Variants in SHANK2 observed in about 807,000 individuals in gnomAD.
SHANK2 encodes SH3 and multiple ankyrin repeat domains protein 2.
Under a neutral mutation model 133.7 loss-of-function variants are expected in SHANK2, and 43 were observed. That is an observed-to-expected ratio of 0.32 (90% confidence interval 0.25 to 0.41). SHANK2 has a LOEUF of 0.41. Ranked by LOEUF, SHANK2 falls within the 10% of genes least tolerant of loss-of-function variation. The pLI, the probability that SHANK2 is intolerant of heterozygous loss-of-function variation, is 1.00. For missense variants in SHANK2, 1,994 were observed against 2,235.8 expected (o/e 0.89, Z 2.18); for synonymous variants, 1,017 against 952.8 (o/e 1.07, Z -1.24).
intron 17 of SHANK2, among the ~76,000 whole-genome samples, chr11:70,652,115 G>A (rs1176887726): frequency 7.9e-5 from 12 of 152,236 alleles, no homozygotes; most frequent in African/African-American, 2.4e-4. Context: ...TCAGGAATAG[G>A]AATTCCAAGG....
intron 21 of SHANK2, among the ~76,000 whole-genome samples, chr11:70,494,792 A>G (rs1426396362): frequency 1.3e-5 from 2 of 152,260 alleles, no homozygotes; most frequent in South Asian, 2.1e-4. Context: ...CTTGCCCCAT[A>G]GTGTCCGGGC....
At chr11:71,102,195 C>T (rs527470117) in intron 6 of SHANK2, among the ~76,000 whole-genome samples, 1 of 152,202 alleles carries the variant, frequency 6.6e-6, no homozygotes, top group South Asian at 2.1e-4. Context: ...CACAACTGGT[C>T]TCATCTCAGA....
intron 2 of SHANK2, among the ~76,000 whole-genome samples, chr11:71,163,243 TAG>T (rs1159995308): frequency 6.8e-6 from 1 of 146,848 alleles, no homozygotes; most frequent in African/African-American, 2.7e-5. Context: ...ATGGTGGGTA[TAG>T]AGTCATTATT....
intron 17 of SHANK2, among the ~76,000 whole-genome samples, chr11:70,628,299 G>GATC (rs2136504061): frequency 6.6e-6 from 1 of 152,268 alleles, no homozygotes; most frequent in East Asian, 1.9e-4. Flanking sequence ...CACAGGTTAG[G>GATC]CTGGGAGGGT....
chr11:71,085,128 C>T lies in SHANK2; in HGVS notation c.912+7294G>A, dbSNP rs986626645. 9.2e-5 allele frequency among the ~76,000 whole-genome samples: 14 copies of T among 152,020 alleles called. 1 individual carries two copies. Among genetic ancestry groups the T allele is most frequent in the Admixed American group, 8.5e-4 (13 of 15,240 alleles). ...TAAATGTTCCTCTTCCAGGAGCACT[C>T]CTGTTTTAATGATATCAGTGACAGC... On this transcript the variant is annotated intron_variant, in intron 8 of 25. Coordinates refer to ENST00000601538, the MANE Select transcript of SHANK2 (RefSeq NM_012309.5).
In SHANK2 at chr11:70,485,535, C is replaced by G; in HGVS notation, c.4758G>C (p.Pro1586=). ...TGGCCATCCCAGGCTGGGCACTGCC[C>G]GGCGGGGGCGGGGGAGCGGGCGGGG... ...VIPPPAPPPP[P]GSAQPGMAKV... is the part of the protein sequence containing the mutation. The change falls in exon 25 of 26, where the codon CCG becomes CCC. Residue 1586 remains proline, a synonymous_variant. Transcript: ENST00000601538. The surrounding 1 kb of genome is among the most constrained non-coding windows in gnomAD (Gnocchi z 5.8). 1.2e-6 allele frequency: 2 copies of G among 1,612,654 alleles called. No homozygotes were observed. The highest frequency in any genetic ancestry group is 2.2e-5 in the South Asian group (2 of 91,048).
intron 15 of SHANK2, among the ~76,000 whole-genome samples, chr11:70,682,391 T>C (rs1945048278): frequency 6.6e-6 from 1 of 152,080 alleles, no homozygotes; most frequent in East Asian, 1.9e-4. Flanking sequence ...GAGGACACAA[T>C]GATGTTGCAA....
intron 10 of SHANK2, among the ~76,000 whole-genome samples, chr11:70,911,752 T>A (rs1950194779): frequency 6.6e-6 from 1 of 151,984 alleles, no homozygotes; most frequent in African/African-American, 2.4e-5. Context: ...GAACATCATC[T>A]CCTACCCCAA....
intron 15 of SHANK2, among the ~76,000 whole-genome samples, chr11:70,682,994 C>T (rs1433110336): frequency 3.3e-5 from 5 of 151,994 alleles, no homozygotes; most frequent in South Asian, 2.1e-4. Flanking sequence ...AAAGCTGGGA[C>T]GTGGCCGAGA....
At chr11:70,850,812 A>C (rs1949074321) in intron 11 of SHANK2, among the ~76,000 whole-genome samples, 1 of 152,218 alleles carries the variant, frequency 6.6e-6, no homozygotes, top group South Asian at 2.1e-4. Flanking sequence ...AGCTTTGGGC[A>C]GGGGTCCCTG....
At chr11:71,140,558 C>A in intron 3 of SHANK2, among the ~76,000 whole-genome samples, 1 of 152,248 alleles carries the variant, frequency 6.6e-6, no homozygotes. Context: ...GCTGAGATGA[C>A]CGGGGCCTCC....
intron 10 of SHANK2, among the ~76,000 whole-genome samples, chr11:70,946,548 C>T (rs1482846278): frequency 1.4e-5 from 2 of 145,704 alleles, no homozygotes; most frequent in Non-Finnish European, 3.0e-5. Flanking sequence ...ACCAACTCTT[C>T]CCCAGGGTCA....
chr11:71,085,887 T>TA lies in SHANK2; in HGVS notation c.912+6534_912+6535insT, dbSNP rs1951393814. ...TAATATATTATATATTTATATAACC[T>TA]TAATATATATATTAATTATATATTA... On this transcript the variant is annotated intron_variant, in intron 8 of 25. Coordinates refer to ENST00000601538, the MANE Select transcript of SHANK2 (RefSeq NM_012309.5). 5.9e-4 allele frequency among the ~76,000 whole-genome samples: 19 copies of TA among 32,342 alleles called. 4 individuals carry two copies. Among genetic ancestry groups the TA allele is most frequent in the Admixed American group, 2.0e-3 (3 of 1,478 alleles). The allele number at this position is 32,342 out of a possible 152,430, so 21.2% of individuals were successfully genotyped here. A position where few individuals can be genotyped will look rare whatever the true frequency, so the allele number is the denominator to read the frequency against.
Position 70,621,535 on chromosome 11 carries a change from GTGC to G in SHANK2, c.2061+38290_2061+38292del, listed in dbSNP as rs1336621902. Reference sequence around the variant, plus strand: ...TTGGCGAGGACGTGGCCCATGGCAGGTGCTTGGGAAATACGGGTGGACTGGGTG... The same window carrying G: ...TTGGCGAGGACGTGGCCCATGGCAGGTTGGGAAATACGGGTGGACTGGGTG... On this transcript the variant is annotated intron_variant, in intron 17 of 25. Transcript: ENST00000601538. Among the ~76,000 whole-genome samples, 3 of 152,358 alleles carry G rather than the reference GTGC, an allele frequency of 2.0e-5. No individual in the cohort carries two copies. The East Asian group carries it at 5.8e-4, about 29-fold the overall frequency.
intron 2 of SHANK2, among the ~76,000 whole-genome samples, chr11:71,223,628 G>C (rs565679474): frequency 2.0e-5 from 3 of 152,302 alleles, no homozygotes; most frequent in South Asian, 4.1e-4. Context: ...TTGTATTCAT[G>C]GGAGGTCCAG....
chr11:70,518,461 AGT>A (rs1161115629), intron 17 of SHANK2, among the ~76,000 whole-genome samples: 5 of 152,206 alleles, frequency 3.3e-5, no homozygotes, highest in Admixed American at 1.3e-4. Flanking sequence ...AGGCTCCCTG[AGT>A]GTACAGCTGG....
At chr11:70,750,324 C>T (rs368547749) in intron 14 of SHANK2, among the ~76,000 whole-genome samples, 6 of 152,296 alleles carry the variant, frequency 3.9e-5, no homozygotes, top group African/African-American at 1.4e-4. Context: ...TCTTTATTGC[C>T]TTTTCTCCCA....
chr11:71,096,230 A>T (rs1470936012), intron 6 of SHANK2, among the ~76,000 whole-genome samples: 1 of 152,238 alleles, frequency 6.6e-6, no homozygotes, highest in African/African-American at 2.4e-5. Flanking sequence ...CAGAAGTTTT[A>T]AAGAAAAATA....
At chr11:70,736,098 A>C (rs1946398518) in intron 14 of SHANK2, among the ~76,000 whole-genome samples, 1 of 151,284 alleles carries the variant, frequency 6.6e-6, no homozygotes, top group Non-Finnish European at 1.5e-5. Flanking sequence ...AGGCTCGGGA[A>C]CAAGAACCCA....
Sources: allele counts gnomAD v4.1 joint callset (sites outside exome capture counted in the v4.1 genomes callset), GRCh38; gene constraint gnomAD v4.1.1; non-coding constraint Gnocchi (gnomAD v3.1); transcripts MANE v1.5; gene names NCBI Gene and HGNC (gene_info 2026-07-23, HGNC 2026-07-21).